Variants in OR7E24 observed in about 807,000 individuals in gnomAD.
OR7E24 encodes the protein olfactory receptor family 7 subfamily E member 24.
For synonymous variants in OR7E24, 130 were observed against 157.5 expected (o/e 0.83, Z 1.31); for missense variants, 385 against 410.3 (o/e 0.94, Z 0.53).
Position 9,251,101 on chromosome 19 carries a change from G to C in OR7E24, c.58G>C (p.Glu20Gln). The part of the protein sequence containing the change: ...FFLKRCPSYT[E>Q]PQNLTGVSEF... Reference sequence around the variant, plus strand: ...CCTCAAAAGGTGTCCGAGCTACACAGAGCCACAGAATCTCACAGGTGTCTC... The same window carrying C: ...CCTCAAAAGGTGTCCGAGCTACACACAGCCACAGAATCTCACAGGTGTCTC... Residue 20 changes from glutamate (E) to glutamine (Q), a missense_variant, in exon 1 of 1, where the codon GAG (glutamate) becomes CAG (glutamine). Transcript: ENST00000456448. The C allele has an allele frequency of 6.2e-7, 1 of 1,612,570 alleles. No homozygotes were observed.
Position 9,252,089 on chromosome 19 carries a change from G to T in OR7E24, c.*26G>T. The T allele has an allele frequency of 6.3e-7, 1 of 1,589,214 alleles. No homozygotes were observed. Among genetic ancestry groups the T allele is most frequent in the East Asian group, 2.2e-5 (1 of 44,630 alleles). The stretch of plus-strand genomic sequence containing the variant: ...AAATGGCAGCAAAATTTAACACCTA[G>T]GCCTGCAAATTCTGCCTCCTTGGTC... On this transcript the variant is annotated 3_prime_UTR_variant, in exon 1 of 1. Transcript: ENST00000456448.
At chr19:9,240,402 T>C in the OR7E24 span, among the ~76,000 whole-genome samples, 1 of 152,240 alleles carries the variant, frequency 6.6e-6, no homozygotes, top group Non-Finnish European at 1.5e-5. Context: ...TCAGGTTTAC[T>C]GAGACCTGAG....
the OR7E24 span, among the ~76,000 whole-genome samples, chr19:9,239,210 C>T: frequency 1.3e-5 from 2 of 151,742 alleles, no homozygotes; most frequent in Non-Finnish European, 2.9e-5. Flanking sequence ...TGCTCTGTTG[C>T]CCAGGCTGGA....
upstream of OR7E24, among the ~76,000 whole-genome samples, chr19:9,248,311 T>C (rs533145078): frequency 2.7e-4 from 41 of 152,324 alleles, no homozygotes; most frequent in African/African-American, 9.4e-4. Context: ...CTTCATAATT[T>C]TTCCTGAGTT....
At chr19:9,238,113 A>C in the OR7E24 span, among the ~76,000 whole-genome samples, 1 of 152,116 alleles carries the variant, frequency 6.6e-6, no homozygotes, top group African/African-American at 2.4e-5. Flanking sequence ...CCCATCTCTA[A>C]TAAAACAAAA....
rs753966819 is a variant in OR7E24 at position 9,251,474 on chromosome 19, T to C, written c.431T>C (p.Ile144Thr). ...ATGGCCTATGACCGGTTTGTGGCCA[T>C]CTGTCACCCCCTGCACTACCGAATC... is the stretch of plus-strand genomic sequence containing the variant. ...SVMAYDRFVA[I>T]CHPLHYRIIM... Residue 144 changes from isoleucine to threonine, a missense_variant, in exon 1 of 1, where the codon ATC (isoleucine) becomes ACC (threonine). Ile to Thr is a moderately conservative substitution (Grantham distance 89, BLOSUM62 -1). Coordinates refer to ENST00000456448, the MANE Select transcript of OR7E24 (RefSeq NM_001079935.2). 1.9e-6 allele frequency: 3 copies of C among 1,614,182 alleles called. No homozygotes were observed. In the South Asian group the frequency reaches 3.3e-5, roughly 18 times the overall value.
At chr19:9,241,459 A>G in the OR7E24 span, among the ~76,000 whole-genome samples, 1 of 152,150 alleles carries the variant, frequency 6.6e-6, no homozygotes, top group Admixed American at 6.5e-5. Flanking sequence ...CCATTAGGCA[A>G]ATGTGAATTT....
At chr19:9,223,790 A>G in the OR7E24 span, among the ~76,000 whole-genome samples, 1 of 146,512 alleles carries the variant, frequency 6.8e-6, no homozygotes, top group Non-Finnish European at 1.5e-5. Flanking sequence ...AATGGACCCT[A>G]GGTACAAGCT....
chr19:9,207,070 T>G, the OR7E24 span: 8 of 152,232 alleles, frequency 5.3e-5, no homozygotes, highest in Admixed American at 3.9e-4. Context: ...GTAATTTTCT[T>G]CAACTGTCTT....
At chr19:9,241,373 A>T in the OR7E24 span, among the ~76,000 whole-genome samples, 3 of 152,320 alleles carry the variant, frequency 2.0e-5, no homozygotes, top group Admixed American at 2.0e-4. Flanking sequence ...CCTGCTCATG[A>T]ACATTCAGTT....
At chr19:9,235,171 T>C in the OR7E24 span, 6 of 1,330,548 alleles carry the variant, frequency 4.5e-6, no homozygotes, top group Non-Finnish European at 3.2e-6. Flanking sequence ...TACAGAATTA[T>C]CAGAATTCCT....
chr19:9,214,947 C>T, the OR7E24 span: 1 of 647,994 alleles, frequency 1.5e-6, no homozygotes. Context: ...GGACATTTGT[C>T]ACCCTTCCTG....
chr19:9,240,086 G>C, the OR7E24 span, among the ~76,000 whole-genome samples: 1,654 of 152,050 alleles, frequency 0.011, 22 homozygotes, highest in African/African-American at 0.038. Flanking sequence ...GCCCAGTCTG[G>C]TCTCAAACTC....
the OR7E24 span, among the ~76,000 whole-genome samples, chr19:9,234,861 G>T: frequency 6.6e-6 from 1 of 152,144 alleles, no homozygotes; most frequent in East Asian, 1.9e-4. Flanking sequence ...AAAAGACATG[G>T]CGAGTCTGCA....
chr19:9,235,728 T>G, the OR7E24 span: 1 of 1,605,566 alleles, frequency 6.2e-7, no homozygotes, highest in South Asian at 1.1e-5. Flanking sequence ...CTCTCCTCAT[T>G]AACATTGTCT....
the OR7E24 span, chr19:9,236,234 C>A: frequency 3.5e-6 from 2 of 576,578 alleles, no homozygotes; most frequent in African/African-American, 1.9e-5. Context: ...TTTGTATGGC[C>A]GGGCACGGTG....
the OR7E24 span, among the ~76,000 whole-genome samples, chr19:9,232,538 CAAAAAAAAAA>C: frequency 4.8e-5 from 3 of 62,554 alleles, no homozygotes; most frequent in African/African-American, 5.2e-5. Flanking sequence ...AACTCCGTCG[CAAAAAAAAAA>C]AAAAAAAAAA....
At chr19:9,218,304 T>C in the OR7E24 span, among the ~76,000 whole-genome samples, 1 of 152,152 alleles carries the variant, frequency 6.6e-6, no homozygotes, top group African/African-American at 2.4e-5. Flanking sequence ...TAATGATAAA[T>C]GAAGTAGTAA....
At chr19:9,250,917 ACT>A, upstream of OR7E24, 1 of 675,490 alleles carries the variant, frequency 1.5e-6, no homozygotes, top group Non-Finnish European at 2.5e-6. Context: ...TTATGAAGTA[ACT>A]CTAAGGAAAT....
Sources: allele counts gnomAD v4.1 joint callset (sites outside exome capture counted in the v4.1 genomes callset), GRCh38; gene constraint gnomAD v4.1.1; transcripts MANE v1.5; gene names NCBI Gene and HGNC (gene_info 2026-07-23, HGNC 2026-07-21).